STK33: variants seen among roughly 807,000 people sequenced by gnomAD.
STK33 encodes the protein serine/threonine-protein kinase 33.
STK33 carries 52 observed loss-of-function variants against 58.0 expected under a neutral mutation model. The observed-to-expected ratio is 0.90, with a 90% CI of 0.72 to 1.13. The LOEUF is 1.13. Among genes scored for constraint, STK33 ranks in the 50% most tolerant of loss-of-function variants. STK33 has a pLI of 0.00. For missense variants in STK33, 630 were observed against 604.2 expected, an observed-to-expected ratio of 1.04 and a Z score of -0.45; for synonymous variants, 215 against 200.1, an observed-to-expected ratio of 1.07 and a Z score of -0.63.
downstream of STK33, among the ~76,000 whole-genome samples, chr11:8,390,387 C>A (rs1340249285): frequency 6.6e-6 from 1 of 152,196 alleles, no homozygotes; most frequent in Non-Finnish European, 1.5e-5. Context: ...GTTGGCCTAT[C>A]AGTCATTGAA....
chr11:8,419,590 T>C (rs1184332362), intron 14 of STK33, among the ~76,000 whole-genome samples: 2 of 152,206 alleles, frequency 1.3e-5, no homozygotes, highest in African/African-American at 4.8e-5. Flanking sequence ...CATATGAATT[T>C]TAAAATAGAT....
chr11:8,452,835 A>C lies in STK33; in HGVS notation c.858T>G (p.Thr286=). 1 of 1,614,000 alleles carries C rather than the reference A, an allele frequency of 6.2e-7. No individual in the cohort carries two copies. Among genetic ancestry groups the C allele is most frequent in the Non-Finnish European group, 8.5e-7 (1 of 1,179,894 alleles). Residue 286 remains threonine (T), a synonymous_variant, in exon 11 of 16, where the codon ACT becomes ACG. Transcript: ENST00000687296. The stretch of plus-strand genomic sequence containing the variant: ...CTACTAACTTACCCATATAGATAGG[A>C]GTCCCACATGTGGCCTGCAGCATGG... The part of the protein sequence containing the change: ...SEAMLQATCG[T]PIYMAPEVIS...
chr11:8,386,954 G>A (rs756386398), downstream of STK33, among the ~76,000 whole-genome samples: 39 of 152,194 alleles, frequency 2.6e-4, no homozygotes, highest in Non-Finnish European at 4.6e-4. Flanking sequence ...CAGAAAGGAC[G>A]GTCCCTGTGA....
At chr11:8,440,626 C>T (rs1404243390) in intron 12 of STK33, 52 bp downstream of exon 12, 35 of 1,429,442 alleles carry the variant, frequency 2.4e-5, no homozygotes, top group Non-Finnish European at 3.0e-5. Context: ...TATCACTCTA[C>T]TGTTAGAAAC....
At chr11:8,445,644 G>A (rs1426972313) in intron 11 of STK33, among the ~76,000 whole-genome samples, 1 of 152,150 alleles carries the variant, frequency 6.6e-6, no homozygotes, top group Non-Finnish European at 1.5e-5. Flanking sequence ...TAATCATGTG[G>A]TTTTTGTCTT....
At chr11:8,416,848 A>G (rs1009702723) in intron 14 of STK33, among the ~76,000 whole-genome samples, 15 of 152,180 alleles carry the variant, frequency 9.9e-5, no homozygotes, top group Non-Finnish European at 2.2e-4. Flanking sequence ...CACTTGTGAT[A>G]TCAAGCCTGG....
At chr11:8,409,805 A>T (rs143412811) in intron 15 of STK33, among the ~76,000 whole-genome samples, 232 of 152,318 alleles carry the variant, frequency 1.5e-3, no homozygotes, top group African/African-American at 5.5e-3. Flanking sequence ...ATTAATAAGT[A>T]CTTACCACGT....
chr11:8,463,784 C>T (rs187328980), intron 7 of STK33, among the ~76,000 whole-genome samples: 43 of 152,230 alleles, frequency 2.8e-4, no homozygotes, highest in African/African-American at 1.0e-3. Flanking sequence ...CCTAAAGTTG[C>T]AAGTAGGTAT....
At chr11:8,468,934 G>A (rs1948500063) in intron 6 of STK33, among the ~76,000 whole-genome samples, 1 of 152,018 alleles carries the variant, frequency 6.6e-6, no homozygotes, top group African/African-American at 2.4e-5. Flanking sequence ...GTCTAAAAAT[G>A]TACACAAAAT....
intron 15 of STK33, among the ~76,000 whole-genome samples, chr11:8,397,303 C>A (rs1849534661): frequency 6.6e-6 from 1 of 152,228 alleles, no homozygotes; most frequent in South Asian, 2.1e-4. Flanking sequence ...TTGCTGTTCA[C>A]CAATATCCGC....
chr11:8,576,896 A>G (rs971273167), intron 1 of STK33, among the ~76,000 whole-genome samples: 1 of 152,224 alleles, frequency 6.6e-6, no homozygotes, highest in Non-Finnish European at 1.5e-5. Flanking sequence ...CTACTGGATG[A>G]CTTTAAAAAA....
the STK33 span, among the ~76,000 whole-genome samples, chr11:8,338,804 C>CCT: frequency 6.6e-6 from 1 of 151,884 alleles, no homozygotes. Flanking sequence ...CTCATGTGTC[C>CCT]CTCTCTCTCT....
chr11:8,400,658 T>C (rs1160859700), intron 15 of STK33, among the ~76,000 whole-genome samples: 1 of 152,124 alleles, frequency 6.6e-6, no homozygotes, highest in Non-Finnish European at 1.5e-5. Context: ...GGTATTCAAT[T>C]AGGAAAAGAG....
At position 8,473,296 on chromosome 11, in the gene STK33, T is replaced by TA. The variant is rs77804124; in HGVS notation, c.226-21dup. ...TGAGGGCTGGGACCAAAAAAAAAAT[T>TA]AAAAAAAAAAAACTTTAAGATGTAA... On this transcript the variant is annotated intron_variant, in intron 5 of 15. Coordinates refer to ENST00000687296, the MANE Select transcript of STK33 (RefSeq NM_001352389.2). 128,805 of 964,572 alleles carry TA rather than the reference T, an allele frequency of 0.13. 3 individuals carry two copies. The highest frequency in any genetic ancestry group is 0.18 in the South Asian group (8,966 of 50,382). The allele number at this position is 964,572 out of a possible 1,614,324, so 59.8% of individuals were successfully genotyped here. A position where few individuals can be genotyped will look rare whatever the true frequency, so the allele number is the denominator to read the frequency against.
intron 14 of STK33, among the ~76,000 whole-genome samples, chr11:8,430,950 T>G (rs1321800224): frequency 6.7e-6 from 1 of 148,218 alleles, no homozygotes; most frequent in Non-Finnish European, 1.5e-5. Flanking sequence ...CACTGCAACC[T>G]CCACCTCCTG....
At chr11:8,477,976 T>A (rs1434621873) in intron 2 of STK33, among the ~76,000 whole-genome samples, 3 of 152,200 alleles carry the variant, frequency 2.0e-5, no homozygotes, top group Non-Finnish European at 4.4e-5. Context: ...AAACAACAGG[T>A]TGAATAGCTG....
chr11:8,590,206 G>T (rs1050496143), intron 1 of STK33, among the ~76,000 whole-genome samples: 3 of 152,152 alleles, frequency 2.0e-5, no homozygotes, highest in African/African-American at 7.2e-5. Context: ...ATGAGTCTCT[G>T]AATTAATATG....
chr11:8,534,832 T>A (rs1954869272), intron 1 of STK33, among the ~76,000 whole-genome samples: 1 of 152,072 alleles, frequency 6.6e-6, no homozygotes, highest in South Asian at 2.1e-4. Context: ...TGAAAGTGTA[T>A]CCCTATAAAG....
At chr11:8,568,435 A>G (rs547607510) in intron 1 of STK33, among the ~76,000 whole-genome samples, 1 of 152,312 alleles carries the variant, frequency 6.6e-6, no homozygotes, top group South Asian at 2.1e-4. Context: ...CTCAAAAACA[A>G]TTACAAAAAT....
Sources: gnomAD v4.1 joint callset for allele counts (sites outside exome capture counted in the v4.1 genomes callset) on GRCh38, gnomAD v4.1.1 for gene constraint, MANE v1.5 for transcripts, NCBI Gene and HGNC (gene_info 2026-07-23, HGNC 2026-07-21) for gene names.